Variants in GYPB observed in about 807,000 individuals in gnomAD.
The protein encoded by GYPB is glycophorin-B.
GYPB carries 13 observed loss-of-function variants against 15.3 expected under a neutral mutation model. The ratio of observed to expected loss-of-function variants is 0.85; its 90% CI spans 0.55 to 1.35. The LOEUF (loss-of-function observed/expected upper bound fraction) is 1.35, where lower values mean the gene tolerates loss of function less well. GYPB is among the 40% of genes most tolerant of loss of function. GYPB has a pLI of 0.00. For missense variants in GYPB, 131 were observed against 108.3 expected, an observed-to-expected ratio of 1.21 and a Z score of -0.93; for synonymous variants, 38 against 36.9, an observed-to-expected ratio of 1.03 and a Z score of -0.11.
intron 1 of GYPB, among the ~76,000 whole-genome samples, chr4:144,016,330 C>T (rs1371070575): frequency 6.7e-6 from 1 of 150,272 alleles, no homozygotes; most frequent in African/African-American, 2.5e-5. Flanking sequence ...TCCCCTTCCT[C>T]CTGTCTCTTC....
chr4:144,013,292 G>A (rs547929841), intron 1 of GYPB, among the ~76,000 whole-genome samples: 6,604 of 150,926 alleles, frequency 0.044, 263 homozygotes, highest in Non-Finnish European at 0.063. Flanking sequence ...AGGATGTGGA[G>A]AAATAGGAAC....
In GYPB at chr4:143,996,282, GCATGCAGGCCA is replaced by G. The variant is rs763276997; in HGVS notation, c.*6_*16del. ...AGCCGGTTCTAGGCAAGATCAGGCA[GCATGCAGGCCA>G]CATCCTCATGCCTGTGATAAAAAGA... On this transcript the variant is annotated 3_prime_UTR_variant, in exon 5 of 5. Transcript: ENST00000502664. 1.2e-5 allele frequency: 18 copies of G among 1,550,754 alleles called. No homozygotes were observed. In the South Asian group the frequency reaches 2.0e-4, roughly 17 times the overall value.
At chr4:144,002,622 A>T in intron 1 of GYPB, 2 of 1,287,108 alleles carry the variant, frequency 1.6e-6, no homozygotes, top group Non-Finnish European at 2.0e-6. Flanking sequence ...ACCCAAGTGC[A>T]GTGGAGTGGA....
At chr4:143,999,065 A>T (rs1727473678) in intron 3 of GYPB, among the ~76,000 whole-genome samples, 1 of 150,902 alleles carries the variant, frequency 6.6e-6, no homozygotes, top group South Asian at 2.1e-4. Flanking sequence ...TGCATGCCCC[A>T]TCCCAGCTAA....
intron 3 of GYPB, 177 bp downstream of exon 3, chr4:143,999,234 A>G: frequency 1.9e-6 from 1 of 535,556 alleles, no homozygotes. Context: ...AAAATAAGAA[A>G]TGCCTATTTT....
chr4:144,008,095 A>C, intron 1 of GYPB, among the ~76,000 whole-genome samples: 1 of 151,616 alleles, frequency 6.6e-6, no homozygotes, highest in East Asian at 1.9e-4. Flanking sequence ...CCCTATTGTT[A>C]GATGTTAATT....
At position 144,004,888 on chromosome 4, in the gene GYPB, T is replaced by C. The variant is rs564007078; in HGVS notation, c.38-3605A>G. Among the ~76,000 whole-genome samples the C allele has an allele frequency of 5.3e-5, 8 of 151,854 alleles. No homozygotes were observed. In the South Asian group the frequency reaches 1.7e-3, roughly 31 times the overall value. Reference sequence around the variant, plus strand: ...GGTTTTTGAATAGGACTTTTTACTATAGCTATATACTATTTAGTTCAGTAA... The same window carrying C: ...GGTTTTTGAATAGGACTTTTTACTACAGCTATATACTATTTAGTTCAGTAA... On this transcript the variant is annotated intron_variant, in intron 1 of 4. Coordinates refer to ENST00000502664, the MANE Select transcript of GYPB (RefSeq NM_002100.6).
At chr4:143,999,193 G>A (rs1727483171) in intron 3 of GYPB, 1 of 436,684 alleles carries the variant, frequency 2.3e-6, no homozygotes, top group African/African-American at 2.2e-5. Flanking sequence ...ATAGGCATGA[G>A]CCACGGCCCC....
At chr4:143,999,048 C>A (rs1727471610) in intron 3 of GYPB, among the ~76,000 whole-genome samples, 1 of 151,036 alleles carries the variant, frequency 6.6e-6, no homozygotes, top group African/African-American at 2.5e-5. Flanking sequence ...GCAGTTGAGA[C>A]TACAGGTGCA....
chr4:144,017,373 A>G (rs749878206), intron 1 of GYPB, among the ~76,000 whole-genome samples: 1 of 150,630 alleles, frequency 6.6e-6, no homozygotes, highest in Non-Finnish European at 1.5e-5. Context: ...AAAGAAAAAG[A>G]CTTCACCATG....
chr4:144,016,140 GAAAAAAAAA>G (rs10594193), intron 1 of GYPB, among the ~76,000 whole-genome samples: 2 of 38,846 alleles, frequency 5.1e-5, no homozygotes, highest in Non-Finnish European at 8.8e-5. Flanking sequence ...TTGGATCCCT[GAAAAAAAAA>G]AAAAAAAAAA....
At chr4:144,017,182 A>G (rs1728546205) in intron 1 of GYPB, among the ~76,000 whole-genome samples, 2 of 150,724 alleles carry the variant, frequency 1.3e-5, no homozygotes, top group Non-Finnish European at 2.9e-5. Context: ...TGAATCATCA[A>G]ATGAGTGCAG....
intron 1 of GYPB, among the ~76,000 whole-genome samples, chr4:144,007,827 A>G (rs1158128458): frequency 6.6e-6 from 1 of 151,326 alleles, no homozygotes; most frequent in East Asian, 1.9e-4. Flanking sequence ...TTCTTGAGAT[A>G]GGGTCTCACC....
At chr4:144,003,751 A>G (rs974320365) in intron 1 of GYPB, among the ~76,000 whole-genome samples, 1 of 151,346 alleles carries the variant, frequency 6.6e-6, no homozygotes, top group Non-Finnish European at 1.5e-5. Flanking sequence ...CTCACAGTAA[A>G]AGAGCACTTG....
chr4:144,009,921 T>C (rs1197511739), intron 1 of GYPB, among the ~76,000 whole-genome samples: 1 of 146,476 alleles, frequency 6.8e-6, no homozygotes, highest in African/African-American at 2.5e-5. Context: ...CCTATTTTGA[T>C]TTTTTTAAGC....
intron 1 of GYPB, among the ~76,000 whole-genome samples, chr4:144,008,173 C>T (rs1397643843): frequency 1.3e-5 from 2 of 151,460 alleles, no homozygotes; most frequent in African/African-American, 4.9e-5. Flanking sequence ...CACACAGCCG[C>T]CAAGTGGCAG....
At position 143,996,285 on chromosome 4, in the gene GYPB, T is replaced by C. The variant is rs1727304865; in HGVS notation, c.*14A>G. 3 of 1,550,706 alleles carry C rather than the reference T, an allele frequency of 1.9e-6. No individual in the cohort carries two copies. The highest frequency in any genetic ancestry group is 1.7e-6 in the Non-Finnish European group (2 of 1,147,248). On this transcript the variant is annotated 3_prime_UTR_variant, in exon 5 of 5. Transcript: ENST00000502664. The stretch of plus-strand genomic sequence containing the variant: ...CGGTTCTAGGCAAGATCAGGCAGCA[T>C]GCAGGCCACATCCTCATGCCTGTGA...
intron 3 of GYPB, 47 bp from the exon 4 acceptor site, chr4:143,997,681 TA>T (rs1435117565): frequency 1.1e-6 from 1 of 940,620 alleles, no homozygotes; most frequent in Non-Finnish European, 1.8e-6. Flanking sequence ...AATGACCACA[TA>T]GCAATAGAAA....
chr4:144,008,145 G>T (rs1367958695), intron 1 of GYPB, among the ~76,000 whole-genome samples: 4 of 151,552 alleles, frequency 2.6e-5, no homozygotes, highest in Non-Finnish European at 5.9e-5. Flanking sequence ...CAGAAACATT[G>T]CCTGACTTGC....
Sources: gnomAD v4.1 joint callset for allele counts (sites outside exome capture counted in the v4.1 genomes callset) on GRCh38, gnomAD v4.1.1 for gene constraint, MANE v1.5 for transcripts, NCBI Gene and HGNC (gene_info 2026-07-23, HGNC 2026-07-21) for gene names.